Variants in IQCM observed in about 807,000 individuals in gnomAD.
The protein encoded by IQCM is IQ motif containing M.
A neutral mutation model predicts 57.6 loss-of-function variants in IQCM; 45 were observed. That is an observed-to-expected ratio of 0.78 (90% CI 0.62 to 1.00). IQCM has a LOEUF of 1.00. Among genes scored for constraint, IQCM ranks in the 50% least tolerant of loss-of-function variants. The pLI is 0.00. For synonymous variants in IQCM, 148 were observed against 158.9 expected (o/e 0.93, Z 0.51); for missense variants, 468 against 511.6 (o/e 0.91, Z 0.82).
chr4:149,749,877 T>C (rs1451974047), intron 2 of IQCM, among the ~76,000 whole-genome samples: 1 of 152,210 alleles, frequency 6.6e-6, no homozygotes, highest in African/African-American at 2.4e-5. Context: ...TGCTGGATTG[T>C]AAGCCCCACC....
chr4:149,380,699 GA>G (rs1425248759), intron 13 of IQCM, among the ~76,000 whole-genome samples: 1 of 152,086 alleles, frequency 6.6e-6, no homozygotes, highest in Non-Finnish European at 1.5e-5. Flanking sequence ...CAGGTATCAG[GA>G]AAGAGAAAAA....
chr4:149,630,000 T>A (rs2150090893), intron 7 of IQCM, among the ~76,000 whole-genome samples: 1 of 151,798 alleles, frequency 6.6e-6, no homozygotes, highest in Admixed American at 6.6e-5. Context: ...GTGGGCAGGG[T>A]GTGAACCACA....
chr4:149,361,785 G>A (rs1439229880), intron 13 of IQCM, among the ~76,000 whole-genome samples: 1 of 152,218 alleles, frequency 6.6e-6, no homozygotes, highest in East Asian at 1.9e-4. Flanking sequence ...GAAGGGAAAT[G>A]TGGGGTTAGA....
intron 12 of IQCM, among the ~76,000 whole-genome samples, chr4:149,517,339 C>T (rs974450259): frequency 6.6e-6 from 1 of 152,074 alleles, no homozygotes; most frequent in African/African-American, 2.4e-5. Flanking sequence ...CATTGTATTT[C>T]CTTTACCCTT....
chr4:149,371,918 CT>C (rs1329768267), intron 13 of IQCM, among the ~76,000 whole-genome samples: 3 of 152,108 alleles, frequency 2.0e-5, no homozygotes, highest in Admixed American at 1.3e-4. Flanking sequence ...TGACCAATTC[CT>C]TTTTCTCCAT....
intron 13 of IQCM, among the ~76,000 whole-genome samples, chr4:149,376,638 G>A (rs901365212): frequency 6.6e-6 from 1 of 152,118 alleles, no homozygotes; most frequent in Non-Finnish European, 1.5e-5. Flanking sequence ...GCACTCACTG[G>A]TCCTTTAGTA....
intron 13 of IQCM, among the ~76,000 whole-genome samples, chr4:149,355,995 T>G (rs1578770696): frequency 6.6e-6 from 1 of 152,244 alleles, no homozygotes; most frequent in African/African-American, 2.4e-5. Context: ...TGATGGCCAG[T>G]GATGATGAAC....
At chr4:149,548,819 A>T (rs182239280) in intron 11 of IQCM, among the ~76,000 whole-genome samples, 16 of 152,236 alleles carry the variant, frequency 1.1e-4, no homozygotes, top group Non-Finnish European at 1.9e-4. Flanking sequence ...CATCTTCTAT[A>T]CTGACTTCAT....
At chr4:149,570,348 C>A (rs910748509) in intron 9 of IQCM, among the ~76,000 whole-genome samples, 1 of 151,886 alleles carries the variant, frequency 6.6e-6, no homozygotes, top group South Asian at 2.1e-4. Context: ...TATTAAGGAA[C>A]GTGGATTTAA....
intron 5 of IQCM, among the ~76,000 whole-genome samples, chr4:149,729,385 T>C (rs1372811848): frequency 6.6e-6 from 1 of 152,202 alleles, no homozygotes; most frequent in Non-Finnish European, 1.5e-5. Flanking sequence ...TCTAAAAAAA[T>C]CTGTTAGGCT....
chr4:149,661,847 G>C (rs1428606649), intron 7 of IQCM, among the ~76,000 whole-genome samples: 2 of 151,834 alleles, frequency 1.3e-5, no homozygotes, highest in African/African-American at 2.4e-5. Context: ...CTCTGTCTTA[G>C]TCTGGCTAAT....
At chr4:149,520,045 A>C (rs1177318849) in intron 12 of IQCM, among the ~76,000 whole-genome samples, 2 of 152,132 alleles carry the variant, frequency 1.3e-5, no homozygotes, top group South Asian at 4.1e-4. Flanking sequence ...ATCCTATTTT[A>C]TATCCATTAA....
At chr4:149,601,789 T>G (rs954530184) in intron 8 of IQCM, among the ~76,000 whole-genome samples, 11 of 152,122 alleles carry the variant, frequency 7.2e-5, no homozygotes, top group Admixed American at 3.9e-4. Context: ...CCTGGCGCGG[T>G]GGCTCATGCC....
At chr4:149,570,395 A>G (rs1367121135) in intron 9 of IQCM, among the ~76,000 whole-genome samples, 3 of 152,058 alleles carry the variant, frequency 2.0e-5, no homozygotes, top group East Asian at 3.9e-4. Context: ...GGTCCTCCTA[A>G]AAAACCAGCT....
intron 6 of IQCM, 47 bp downstream of exon 6, chr4:149,686,331 G>C: frequency 1.1e-6 from 1 of 920,332 alleles, no homozygotes; most frequent in Non-Finnish European, 1.4e-6. Context: ...TATTGGCAAA[G>C]TAGAAGAAAA....
At chr4:149,612,600 C>T (rs1034384065) in intron 8 of IQCM, among the ~76,000 whole-genome samples, 1 of 151,720 alleles carries the variant, frequency 6.6e-6, no homozygotes, top group Admixed American at 6.6e-5. Flanking sequence ...CTAAATTGTA[C>T]AATAAAATTG....
At chr4:149,510,625 ATT>A (rs894340393) in intron 12 of IQCM, among the ~76,000 whole-genome samples, 2 of 152,080 alleles carry the variant, frequency 1.3e-5, no homozygotes, top group Non-Finnish European at 2.9e-5. Context: ...TATTATATTT[ATT>A]TGTTATGTCT....
chr4:149,594,550 G>T (rs1753567950), intron 8 of IQCM, among the ~76,000 whole-genome samples: 1 of 151,994 alleles, frequency 6.6e-6, no homozygotes, highest in South Asian at 2.1e-4. Flanking sequence ...GTGATGTTGG[G>T]GTGTCAATTT....
intron 7 of IQCM, among the ~76,000 whole-genome samples, chr4:149,627,503 A>G (rs954424949): frequency 2.6e-5 from 4 of 152,158 alleles, no homozygotes; most frequent in African/African-American, 9.7e-5. Flanking sequence ...TTACTAAACA[A>G]TTTACACACA....
Sources: gnomAD v4.1 joint callset for allele counts (sites outside exome capture counted in the v4.1 genomes callset) on GRCh38, gnomAD v4.1.1 for gene constraint, MANE v1.5 for transcripts, NCBI Gene and HGNC (gene_info 2026-07-23, HGNC 2026-07-21) for gene names.